Variants in MCF2L2 observed in about 807,000 individuals in gnomAD.
MCF2L2 encodes probable guanine nucleotide exchange factor MCF2L2.
A neutral mutation model predicts 150.2 loss-of-function variants in MCF2L2; 102 were observed. The ratio of observed to expected loss-of-function variants is 0.68; its 90% CI spans 0.58 to 0.80. The LOEUF is 0.80. MCF2L2 is among the 30% of genes least tolerant of loss of function. The pLI, the probability that MCF2L2 is intolerant of heterozygous loss-of-function variation, is 0.00. For missense variants in MCF2L2, 1,256 were observed against 1,372.8 expected (o/e 0.91, Z 1.34); for synonymous variants, 465 against 491.3 (o/e 0.95, Z 0.71).
chr3:183,269,554 A>G lies in MCF2L2; in HGVS notation c.1862+7318T>C, dbSNP rs1726539152. ...ATGAGGCCGCCCACCACGCTTCCTGAAGGATGCCCGTGTGGAAGAATTTTG... is the reference window on the plus strand; with the variant it reads ...ATGAGGCCGCCCACCACGCTTCCTGGAGGATGCCCGTGTGGAAGAATTTTG... On this transcript the variant is annotated intron_variant, in intron 15 of 29. Coordinates refer to ENST00000328913, the MANE Select transcript of MCF2L2 (RefSeq NM_015078.4). 3.1e-5 allele frequency: 13 copies of G among 426,178 alleles called. No individual in the cohort carries two copies. In the South Asian group the frequency reaches 4.9e-4, roughly 16 times the overall value. 26.4% of individuals were successfully genotyped at this position (426,178 alleles called of 1,614,324 possible). A position where few individuals can be genotyped will look rare whatever the true frequency, so the allele number is the denominator to read the frequency against.
At chr3:183,406,630 A>G (rs1715058137) in intron 1 of MCF2L2, among the ~76,000 whole-genome samples, 1 of 152,098 alleles carries the variant, frequency 6.6e-6, no homozygotes, top group Admixed American at 6.5e-5. Context: ...CTGAGATTAC[A>G]GGCGCCTGCC....
intron 1 of MCF2L2, among the ~76,000 whole-genome samples, chr3:183,390,202 T>C (rs1412667898): frequency 6.6e-6 from 1 of 152,162 alleles, no homozygotes; most frequent in East Asian, 1.9e-4. Context: ...ATAAAATCAA[T>C]CTGGGATTCA....
At chr3:183,343,093 A>C (rs1477924382) in intron 3 of MCF2L2, among the ~76,000 whole-genome samples, 1 of 152,184 alleles carries the variant, frequency 6.6e-6, no homozygotes, top group Admixed American at 6.5e-5. Flanking sequence ...TTAGATATAT[A>C]CTTGAAGAAA....
chr3:183,315,236 C>T (rs1042826006), intron 7 of MCF2L2, among the ~76,000 whole-genome samples: 1 of 151,836 alleles, frequency 6.6e-6, no homozygotes, highest in Non-Finnish European at 1.5e-5. Flanking sequence ...AGCCACTGTG[C>T]CCAGCCTGTA....
intron 15 of MCF2L2, chr3:183,271,515 G>T (rs1373416781): frequency 6.0e-6 from 1 of 167,066 alleles, no homozygotes; most frequent in African/African-American, 2.4e-5. Context: ...CATCCATGTA[G>T]CTACTGGTGT....
At chr3:183,309,437 C>T (rs1729259518) in intron 10 of MCF2L2, among the ~76,000 whole-genome samples, 1 of 152,172 alleles carries the variant, frequency 6.6e-6, no homozygotes, top group South Asian at 2.1e-4. Context: ...CACTTGGCTG[C>T]TGACCACGTG....
chr3:183,361,107 A>C (rs112413623), intron 3 of MCF2L2, among the ~76,000 whole-genome samples: 950 of 89,730 alleles, frequency 0.011, 18 homozygotes, highest in South Asian at 0.06. Flanking sequence ...CAAGACAAGA[A>C]AAGAAAAAAG....
intron 1 of MCF2L2, chr3:183,400,539 T>C (rs1714700045): frequency 4.4e-6 from 2 of 453,426 alleles, no homozygotes; most frequent in East Asian, 7.0e-5. Flanking sequence ...CATTTCTCTC[T>C]AGGCACTGCA....
At chr3:183,293,609 A>G (rs186798231) in intron 13 of MCF2L2, among the ~76,000 whole-genome samples, 13 of 152,354 alleles carry the variant, frequency 8.5e-5, no homozygotes, top group Admixed American at 2.6e-4. Context: ...TGGAAAACCT[A>G]TAGCTTACAT....
intron 22 of MCF2L2, among the ~76,000 whole-genome samples, chr3:183,211,359 CG>C (rs908761789): frequency 1.3e-5 from 2 of 152,144 alleles, no homozygotes; most frequent in Middle Eastern, 3.2e-3. Flanking sequence ...GGAAGTGACT[CG>C]GGGGGAGTCG....
chr3:183,307,932 T>C (rs1415022908), intron 10 of MCF2L2, among the ~76,000 whole-genome samples: 1 of 152,202 alleles, frequency 6.6e-6, no homozygotes, highest in African/African-American at 2.4e-5. Context: ...TGCAGCTCGC[T>C]CTTGCTTTGA....
At chr3:183,348,386 ACAC>A (rs1730981615) in intron 3 of MCF2L2, among the ~76,000 whole-genome samples, 1 of 132,788 alleles carries the variant, frequency 7.5e-6, no homozygotes, top group African/African-American at 2.9e-5. Flanking sequence ...GGAACATCAC[ACAC>A]CAGGACCTGT....
intron 6 of MCF2L2, among the ~76,000 whole-genome samples, chr3:183,321,589 C>T (rs1449387683): frequency 6.6e-6 from 1 of 151,940 alleles, no homozygotes; most frequent in Non-Finnish European, 1.5e-5. Context: ...TTGTTCAACA[C>T]AAAGTTGCCA....
At chr3:183,247,158 C>T (rs1724295351) in intron 15 of MCF2L2, among the ~76,000 whole-genome samples, 1 of 152,190 alleles carries the variant, frequency 6.6e-6, no homozygotes, top group Non-Finnish European at 1.5e-5. Flanking sequence ...GCTCCGAGCA[C>T]TAAGTGACTT....
intron 1 of MCF2L2, among the ~76,000 whole-genome samples, chr3:183,425,936 CA>C (rs1308206379): frequency 1.3e-5 from 2 of 150,146 alleles, no homozygotes; most frequent in Non-Finnish European, 3.0e-5. Flanking sequence ...GCCTGGGCAA[CA>C]AGAGCGAAAC....
chr3:183,391,989 G>C (rs2108600964), intron 1 of MCF2L2, among the ~76,000 whole-genome samples: 1 of 152,230 alleles, frequency 6.6e-6, no homozygotes, highest in African/African-American at 2.4e-5. Context: ...CTGTGCTCAA[G>C]CAGTCCTCCT....
intron 15 of MCF2L2, among the ~76,000 whole-genome samples, chr3:183,262,499 G>A (rs1479822676): frequency 2.0e-5 from 3 of 151,958 alleles, no homozygotes; most frequent in Non-Finnish European, 2.9e-5. Context: ...TACTGACTAC[G>A]GAGTTTTTGG....
At chr3:183,420,008 T>C (rs1054682663) in intron 1 of MCF2L2, among the ~76,000 whole-genome samples, 1 of 152,236 alleles carries the variant, frequency 6.6e-6, no homozygotes, top group Non-Finnish European at 1.5e-5. Flanking sequence ...TGCTAAAGTA[T>C]AGCATGAGTG....
intron 18 of MCF2L2, 109 bp downstream of exon 18, chr3:183,228,188 G>C: frequency 1.3e-6 from 1 of 761,136 alleles, no homozygotes; most frequent in Non-Finnish European, 2.3e-6. Context: ...GAGTCGGAGG[G>C]AAGCAGATAT....
Sources: gnomAD v4.1 joint callset for allele counts (sites outside exome capture counted in the v4.1 genomes callset) on GRCh38, gnomAD v4.1.1 for gene constraint, MANE v1.5 for transcripts, NCBI Gene and HGNC (gene_info 2026-07-23, HGNC 2026-07-21) for gene names.